Variants in ABI3BP observed in about 807,000 individuals in gnomAD.
ABI3BP encodes the protein target of Nesh-SH3.
In ABI3BP, 216 loss-of-function variants were observed where a neutral mutation model predicts 268.6. The observed-to-expected ratio is 0.80, with a 90% confidence interval of 0.72 to 0.90. The LOEUF (loss-of-function observed/expected upper bound fraction) is 0.90. ABI3BP is among the 40% of genes least tolerant of loss of function. ABI3BP has a pLI of 0.00. For missense variants in ABI3BP, 2,090 were observed against 2,182.4 expected (o/e 0.96, Z 0.84); for synonymous variants, 730 against 730.0 (o/e 1.00, Z 0.00).
chr3:100,807,858 G>A (rs1002217499), intron 50 of ABI3BP, among the ~76,000 whole-genome samples: 2 of 152,124 alleles, frequency 1.3e-5, no homozygotes, highest in Non-Finnish European at 1.5e-5. Context: ...GGATAGGAGT[G>A]TAGTCTCAGG....
chr3:100,919,118 T>A (rs545678760), intron 2 of ABI3BP, among the ~76,000 whole-genome samples: 1 of 152,288 alleles, frequency 6.6e-6, no homozygotes, highest in East Asian at 1.9e-4. Flanking sequence ...CTGGCTTCAA[T>A]GGCTGGTACT....
intron 10 of ABI3BP, 63 bp downstream of exon 10, chr3:100,866,816 A>G (rs1259959558): frequency 4.4e-6 from 6 of 1,359,098 alleles, no homozygotes; most frequent in African/African-American, 1.4e-5. Flanking sequence ...AAGACTGCAG[A>G]TTAGTATTTG....
At position 100,984,010 on chromosome 3, in the gene ABI3BP, G is replaced by A. The variant is rs144281614; in HGVS notation, c.79+9296C>T. ...ATCAAAACTTAAATAGTAGAAAAAC[G>A]TACTTGCAACCTTTAAATTTTACTC... On this transcript the variant is annotated intron_variant, in intron 1 of 67. Transcript: ENST00000471714. Among the ~76,000 whole-genome samples, 1,184 of 152,092 alleles carry A rather than the reference G, an allele frequency of 7.8e-3. 13 individuals carry two copies. Among genetic ancestry groups the A allele is most frequent in the African/African-American group, 0.026 (1,079 of 41,484 alleles).
At chr3:100,960,563 A>G (rs951154750) in intron 1 of ABI3BP, among the ~76,000 whole-genome samples, 1 of 152,236 alleles carries the variant, frequency 6.6e-6, no homozygotes, top group African/African-American at 2.4e-5. Flanking sequence ...AGATTCTTAT[A>G]GATTATCTGC....
rs2098207622 is a variant in ABI3BP, at chr3:100,821,124, G to A, written c.2888-11C>T. On this transcript the variant is annotated splice_polypyrimidine_tract_variant and intron_variant, in intron 38 of 67. Transcript: ENST00000471714. ...GCTCCGCAGTAGGAACTGATCAAAA[G>A]CATTAAAATTAACCAAATGATTATT... 6 of 1,534,244 alleles carry A rather than the reference G, an allele frequency of 3.9e-6. No individual in the cohort carries two copies. The highest frequency in any genetic ancestry group is 2.6e-6 in the Non-Finnish European group (3 of 1,145,514).
At chr3:100,828,065 G>T (rs185627837) in intron 34 of ABI3BP, among the ~76,000 whole-genome samples, 50 of 152,164 alleles carry the variant, frequency 3.3e-4, no homozygotes, top group African/African-American at 1.2e-3. Context: ...AAAAAGGGAG[G>T]TGTATAAGGG....
At chr3:100,853,347 A>G (rs531888845) in intron 14 of ABI3BP, among the ~76,000 whole-genome samples, 249 of 152,294 alleles carry the variant, frequency 1.6e-3, no homozygotes, top group African/African-American at 5.7e-3. Context: ...AGAATGACTA[A>G]TTTTTTAAAA....
chr3:100,758,003 C>G (rs1459572359), intron 63 of ABI3BP, among the ~76,000 whole-genome samples: 9 of 152,104 alleles, frequency 5.9e-5, no homozygotes, highest in Admixed American at 5.2e-4. Flanking sequence ...CAAATGCTGT[C>G]AAGCCTTTTG....
In ABI3BP at chr3:100,809,158, T is replaced by A. The variant is rs533321570; in HGVS notation, c.3608-923A>T. On this transcript the variant is annotated intron_variant, in intron 49 of 67. Coordinates refer to ENST00000471714, the MANE Select transcript of ABI3BP (RefSeq NM_001375547.2). ...GTAGAGAGATGAATACTGATATATGTTGGAGATGACCTGGTTTAGAAGCCT... is the reference window on the plus strand; with the variant it reads ...GTAGAGAGATGAATACTGATATATGATGGAGATGACCTGGTTTAGAAGCCT... 8.0e-4 allele frequency among the ~76,000 whole-genome samples: 122 copies of A among 152,194 alleles called. No individual in the cohort carries two copies. In the South Asian group the frequency reaches 0.011, roughly 14 times the overall value.
intron 1 of ABI3BP, among the ~76,000 whole-genome samples, chr3:100,942,700 A>G (rs1378657579): frequency 6.6e-6 from 1 of 152,132 alleles, no homozygotes; most frequent in African/African-American, 2.4e-5. Flanking sequence ...TATGGTCTCC[A>G]GATTAGACAA....
At chr3:100,979,503 C>T (rs1188491672) in intron 1 of ABI3BP, among the ~76,000 whole-genome samples, 1 of 152,104 alleles carries the variant, frequency 6.6e-6, no homozygotes, top group Admixed American at 6.5e-5. Flanking sequence ...TAATGCTTAT[C>T]CTTTAATGCC....
chr3:100,823,922 CA>C (rs1487611020), intron 36 of ABI3BP, among the ~76,000 whole-genome samples: 2 of 152,100 alleles, frequency 1.3e-5, no homozygotes, highest in Non-Finnish European at 2.9e-5. Flanking sequence ...ATACAAGAGA[CA>C]GTTCATATGT....
intron 4 of ABI3BP, 150 bp downstream of exon 4, chr3:100,898,612 T>C: frequency 1.2e-6 from 1 of 833,520 alleles, no homozygotes; most frequent in Non-Finnish European, 1.7e-6. Flanking sequence ...GTAGATAACC[T>C]TCTCAAGGGC....
At chr3:100,797,328 G>A (rs2097374516) in intron 51 of ABI3BP, among the ~76,000 whole-genome samples, 3 of 151,982 alleles carry the variant, frequency 2.0e-5, no homozygotes, top group Admixed American at 1.3e-4. Context: ...GTTAGTACCA[G>A]ATTTCTGCAA....
chr3:100,822,729 C>A, intron 37 of ABI3BP, 57 bp from the exon 38 acceptor site: 2 of 1,464,774 alleles, frequency 1.4e-6, no homozygotes, highest in Non-Finnish European at 9.2e-7. Context: ...ATTCTGGAAG[C>A]TGTGTGAGGT....
intron 39 of ABI3BP, 97 bp downstream of exon 39, chr3:100,820,957 T>C: frequency 3.1e-6 from 3 of 974,238 alleles, no homozygotes; most frequent in South Asian, 1.4e-5. Flanking sequence ...AATGATGATG[T>C]AGTCTTGAAA....
intron 1 of ABI3BP, among the ~76,000 whole-genome samples, chr3:100,943,088 G>A (rs2153722068): frequency 6.6e-6 from 1 of 152,190 alleles, no homozygotes; most frequent in East Asian, 1.9e-4. Flanking sequence ...TCAGTTATGT[G>A]TCTTTAAATC....
chr3:100,934,617 T>C (rs2065189201), intron 1 of ABI3BP, among the ~76,000 whole-genome samples: 1 of 152,162 alleles, frequency 6.6e-6, no homozygotes, highest in Admixed American at 6.6e-5. Context: ...AAAGTGTTCC[T>C]ATTTCTCCAC....
At chr3:100,873,728 G>GC (rs1561115431) in intron 9 of ABI3BP, among the ~76,000 whole-genome samples, 1 of 152,192 alleles carries the variant, frequency 6.6e-6, no homozygotes, top group African/African-American at 2.4e-5. Flanking sequence ...GACAGATAAG[G>GC]CCCCCAGTAG....
Sources: allele counts gnomAD v4.1 joint callset (sites outside exome capture counted in the v4.1 genomes callset), GRCh38; gene constraint gnomAD v4.1.1; transcripts MANE v1.5; gene names NCBI Gene and HGNC (gene_info 2026-07-23, HGNC 2026-07-21).